The following RIN2 variants were observed in gnomAD, a reference collection of about 807,000 sequenced individuals.
The protein encoded by RIN2 is RAB5 interacting protein 2.
RIN2 carries 36 observed loss-of-function variants against 78.0 expected under a neutral mutation model. The ratio of observed to expected loss-of-function variants is 0.46; its 90% CI spans 0.35 to 0.61. RIN2 has a LOEUF of 0.61. Ranked by LOEUF, RIN2 falls within the 20% of genes least tolerant of loss-of-function variation. The pLI, the probability that RIN2 is intolerant of heterozygous loss-of-function variation, is 0.00. For missense variants in RIN2, 1,087 were observed against 1,159.7 expected (o/e 0.94, Z 0.91); for synonymous variants, 466 against 466.8 (o/e 1.00, Z 0.02).
At chr20:19,889,753 T>C in intron 3 of RIN2, 95 bp downstream of exon 3, 3 of 998,368 alleles carry the variant, frequency 3.0e-6, no homozygotes, top group Non-Finnish European at 4.3e-6. Flanking sequence ...GGAAGTCTGC[T>C]CTCTGAGCCA....
chr20:19,935,034 C>G lies in RIN2; in HGVS notation c.58-65C>G, dbSNP rs117184213. The G allele has an allele frequency of 0.047, 56,970 of 1,211,888 alleles. 1,710 individuals carry two copies. The highest frequency in any genetic ancestry group is 0.057 in the Non-Finnish European group (48,075 of 836,594). 75.1% of individuals were successfully genotyped at this position (1,211,888 alleles called of 1,614,324 possible). On this transcript the variant is annotated intron_variant, in intron 3 of 12. Transcript: ENST00000255006. The stretch of plus-strand genomic sequence containing the variant: ...TTCCTATTGAAAAGCCTGAGTTCCC[C>G]GGGCGCTGTGGGCATGCCACGCCTC...
chr20:19,814,676 T>C (rs2035710702), intron 2 of RIN2, among the ~76,000 whole-genome samples: 1 of 152,162 alleles, frequency 6.6e-6, no homozygotes, highest in African/African-American at 2.4e-5. Flanking sequence ...CAGACCGCAC[T>C]GGAACTCCTG....
At chr20:19,815,673 T>C (rs1180240385) in intron 2 of RIN2, among the ~76,000 whole-genome samples, 1 of 152,226 alleles carries the variant, frequency 6.6e-6, no homozygotes, top group Non-Finnish European at 1.5e-5. Flanking sequence ...TTTGAGTTAA[T>C]GTGAATCACA....
chr20:19,963,855 C>CT (rs869033357), intron 6 of RIN2, among the ~76,000 whole-genome samples: 3,591 of 86,610 alleles, frequency 0.041, 572 homozygotes, highest in African/African-American at 0.11. Flanking sequence ...CAGTATGTGT[C>CT]TTTTTTTTTT....
intron 6 of RIN2, among the ~76,000 whole-genome samples, chr20:19,964,216 G>A (rs1158409924): frequency 2.6e-5 from 4 of 151,590 alleles, no homozygotes; most frequent in Non-Finnish European, 5.9e-5. Context: ...GGGGTGGAGG[G>A]GGGAACAACA....
chr20:19,920,101 T>C (rs904273513), intron 3 of RIN2, among the ~76,000 whole-genome samples: 2 of 152,124 alleles, frequency 1.3e-5, no homozygotes, highest in Non-Finnish European at 2.9e-5. Context: ...AAGACCATCC[T>C]GGCTAACACG....
chr20:19,892,436 G>A (rs889953158), intron 3 of RIN2, among the ~76,000 whole-genome samples: 7 of 152,024 alleles, frequency 4.6e-5, no homozygotes, highest in African/African-American at 9.7e-5. Flanking sequence ...TGCTGGTCTC[G>A]AACTCCTGAC....
At chr20:19,826,802 T>C (rs2036101848) in intron 2 of RIN2, among the ~76,000 whole-genome samples, 1 of 152,170 alleles carries the variant, frequency 6.6e-6, no homozygotes, top group African/African-American at 2.4e-5. Flanking sequence ...TGTGCAGGCA[T>C]TTAACTATTT....
chr20:19,965,016 C>A lies in RIN2; in HGVS notation c.528C>A (p.Cys176Ter). The change falls in exon 7 of 13, where the codon TGC becomes TGA. Residue 176 changes from cysteine to a stop codon, truncating the protein, a stop_gained. Transcript: ENST00000255006. LOFTEE classifies it high-confidence loss of function. ...ADLFRLIAFY[C>*]ISRDVLPFTL... ...TATTCCGGCTCATTGCTTTCTACTG[C>A]ATCAGCAGGTAAGGCCTCTTCCTCT... 1 of 1,612,562 alleles carries A rather than the reference C, an allele frequency of 6.2e-7. No homozygotes were observed.
chr20:19,874,860 A>T (rs368569566), intron 2 of RIN2, among the ~76,000 whole-genome samples: 1 of 101,618 alleles, frequency 9.8e-6, no homozygotes, highest in African/African-American at 3.7e-5. Flanking sequence ...ATTTTATTTT[A>T]TTTTATTTTT....
intron 4 of RIN2, among the ~76,000 whole-genome samples, chr20:19,953,954 A>G (rs1568655824): frequency 6.6e-6 from 1 of 152,246 alleles, no homozygotes; most frequent in Non-Finnish European, 1.5e-5. Flanking sequence ...TTTGTAGCAG[A>G]AGTTGAGCAA....
chr20:19,871,232 ACTT>A (rs1380901679), intron 2 of RIN2, among the ~76,000 whole-genome samples: 3 of 152,178 alleles, frequency 2.0e-5, no homozygotes, highest in African/African-American at 7.2e-5. Context: ...ATTTGGTGAC[ACTT>A]CTTTTTCTTT....
intron 4 of RIN2, among the ~76,000 whole-genome samples, chr20:19,951,650 C>T (rs562002066): frequency 1.7e-5 from 2 of 118,422 alleles, no homozygotes; most frequent in African/African-American, 5.5e-5. Flanking sequence ...ATTTTAGCAT[C>T]CACTCAATTT....
chr20:19,950,788 C>T lies in RIN2; in HGVS notation c.159-5827C>T, dbSNP rs574902493. Among the ~76,000 whole-genome samples, 15 of 152,184 alleles carry T rather than the reference C, an allele frequency of 9.9e-5. 1 individual carries two copies. The highest frequency in any genetic ancestry group is 3.6e-4 in the African/African-American group (15 of 41,538). On this transcript the variant is annotated intron_variant, in intron 4 of 12. Coordinates refer to ENST00000255006, the MANE Select transcript of RIN2 (RefSeq NM_018993.4). ...TGCAATGGTGCAGTCTGGCTCACTG[C>T]AACCTCCACTTCTCGGGTTCAAACA...
At chr20:19,875,149 C>T (rs1407670591) in intron 2 of RIN2, among the ~76,000 whole-genome samples, 2 of 151,782 alleles carry the variant, frequency 1.3e-5, no homozygotes, top group Non-Finnish European at 2.9e-5. Context: ...GCATGAGCCA[C>T]CGCACCCAGC....
Position 20,000,725 on chromosome 20 carries a change from T to G in RIN2, c.2477T>G (p.Phe826Cys). ...EDVCQICAEKFKVGDPEEYSL... is the reference protein window; with the variant it reads ...EDVCQICAEKCKVGDPEEYSL... The stretch of plus-strand genomic sequence containing the variant: ...GTGTGTCAGATCTGCGCTGAGAAGT[T>G]CAAGGTGGGGGACCCTGAGGAGTAC... The change falls in exon 13 of 13, where the codon TTC becomes TGC. Residue 826 changes from phenylalanine (F) to cysteine (C), a missense_variant. By Grantham distance (205) the Phe-to-Cys change is radical (BLOSUM62 -2). Transcript: ENST00000255006. 1 of 1,613,936 alleles carries G rather than the reference T, an allele frequency of 6.2e-7. No individual in the cohort carries two copies. The highest frequency in any genetic ancestry group is 8.5e-7 in the Non-Finnish European group (1 of 1,179,880).
At chr20:19,820,073 A>G (rs1255257784) in intron 2 of RIN2, among the ~76,000 whole-genome samples, 1 of 152,236 alleles carries the variant, frequency 6.6e-6, no homozygotes, top group Non-Finnish European at 1.5e-5. Flanking sequence ...TTCTCATTAA[A>G]TTTAAAAGGC....
chr20:19,887,877 T>TA (rs1189403688), intron 2 of RIN2, among the ~76,000 whole-genome samples: 1 of 152,052 alleles, frequency 6.6e-6, no homozygotes, highest in Non-Finnish European at 1.5e-5. Flanking sequence ...TAAAACAGGG[T>TA]ATGCTTTTTT....
At chr20:19,958,406 C>T (rs1043021159) in intron 5 of RIN2, among the ~76,000 whole-genome samples, 1 of 152,276 alleles carries the variant, frequency 6.6e-6, no homozygotes, top group East Asian at 1.9e-4. Context: ...CCCAGCTCCC[C>T]CTCCCAAGGT....
Sources: gnomAD v4.1 joint callset for allele counts (sites outside exome capture counted in the v4.1 genomes callset) on GRCh38, gnomAD v4.1.1 for gene constraint, MANE v1.5 for transcripts, NCBI Gene and HGNC (gene_info 2026-07-23, HGNC 2026-07-21) for gene names.